CPEB1: variants seen among roughly 807,000 people sequenced by gnomAD.
The protein encoded by CPEB1 is cytoplasmic polyadenylation element-binding protein 1.
Under a neutral mutation model 65.8 loss-of-function variants are expected in CPEB1, and 7 were observed. The observed-to-expected ratio is 0.11, with a 90% CI of 0.06 to 0.20. The LOEUF (loss-of-function observed/expected upper bound fraction) is 0.20. Among genes scored for constraint, CPEB1 ranks in the 10% least tolerant of loss-of-function variants. The pLI, the probability that CPEB1 is intolerant of heterozygous loss-of-function variation, is 1.00. For missense variants in CPEB1, 551 were observed against 712.2 expected, an observed-to-expected ratio of 0.77 and a Z score of 2.58; for synonymous variants, 262 against 260.0, an observed-to-expected ratio of 1.01 and a Z score of -0.08.
chr15:82,557,523 G>C, intron 5 of CPEB1: 1 of 454,498 alleles, frequency 2.2e-6, no homozygotes, highest in Non-Finnish European at 3.9e-6. Context: ...CTAGTAAAAT[G>C]AGAGTCCTGA....
chr15:82,556,433 C>T (rs1405481469), intron 5 of CPEB1: 1 of 206,498 alleles, frequency 4.8e-6, no homozygotes, highest in African/African-American at 2.3e-5. Context: ...ATATACTTTC[C>T]AAGTTTTCAG....
chr15:82,642,395 T>A (rs1417696855), intron 1 of CPEB1, among the ~76,000 whole-genome samples: 2 of 152,102 alleles, frequency 1.3e-5, no homozygotes, highest in Non-Finnish European at 2.9e-5. Context: ...AAAAATTTTT[T>A]AAAAAGTAGC....
chr15:82,598,474 G>A (rs2042842685), intron 3 of CPEB1, among the ~76,000 whole-genome samples: 1 of 151,818 alleles, frequency 6.6e-6, no homozygotes, highest in Non-Finnish European at 1.5e-5. Flanking sequence ...GAGTGACAGA[G>A]CAAAACTCTG....
intron 4 of CPEB1, among the ~76,000 whole-genome samples, chr15:82,564,397 T>G (rs1434778484): frequency 6.6e-6 from 1 of 152,182 alleles, no homozygotes; most frequent in Non-Finnish European, 1.5e-5. Flanking sequence ...GCCATTCTCC[T>G]GCCTCAGCCT....
intron 3 of CPEB1, among the ~76,000 whole-genome samples, chr15:82,615,106 AAGT>A (rs1355545586): frequency 6.6e-6 from 1 of 152,096 alleles, no homozygotes; most frequent in Non-Finnish European, 1.5e-5. Flanking sequence ...AGGTCACAGC[AAGT>A]AAGTAGCACG....
chr15:82,565,999 TAA>T (rs2039061565), intron 4 of CPEB1, among the ~76,000 whole-genome samples: 1 of 152,190 alleles, frequency 6.6e-6, no homozygotes, highest in Non-Finnish European at 1.5e-5. Flanking sequence ...TCAGAGGGTA[TAA>T]GAGACCAAAT....
At chr15:82,579,919 A>G (rs1295665966) in intron 3 of CPEB1, among the ~76,000 whole-genome samples, 1 of 9,894 alleles carries the variant, frequency 1.0e-4, no homozygotes, top group East Asian at 9.2e-4. Flanking sequence ...ACTCCGTCTC[A>G]AAAAAAAAAA....
At chr15:82,588,144 C>T (rs28631181) in intron 3 of CPEB1, among the ~76,000 whole-genome samples, 1,732 of 151,334 alleles carry the variant, frequency 0.011, 28 homozygotes, top group African/African-American at 0.04. Context: ...AACAGGGTTT[C>T]GTCATATTGC....
intron 3 of CPEB1, among the ~76,000 whole-genome samples, chr15:82,618,337 T>G (rs1315753456): frequency 1.3e-5 from 2 of 152,314 alleles, no homozygotes; most frequent in African/African-American, 4.8e-5. Context: ...AAAACACACA[T>G]AAATACACAT....
At chr15:82,635,883 A>G (rs1193858074) in intron 1 of CPEB1, among the ~76,000 whole-genome samples, 2 of 152,240 alleles carry the variant, frequency 1.3e-5, no homozygotes, top group African/African-American at 2.4e-5. Context: ...GAACAAGCAC[A>G]GAGAGGATAC....
At chr15:82,608,213 T>C (rs2043807721) in intron 3 of CPEB1, among the ~76,000 whole-genome samples, 1 of 152,218 alleles carries the variant, frequency 6.6e-6, no homozygotes, top group Non-Finnish European at 1.5e-5. Context: ...GCCTGTTGAG[T>C]TCCTAAACTG....
intron 10 of CPEB1, chr15:82,548,687 G>T: frequency 2.2e-6 from 1 of 455,768 alleles, no homozygotes; most frequent in Non-Finnish European, 4.4e-6. Context: ...TATTAAGAGA[G>T]CTGGAAGAAG....
intron 3 of CPEB1, among the ~76,000 whole-genome samples, chr15:82,616,529 CTTT>C (rs763629005): frequency 4.0e-5 from 6 of 150,056 alleles, no homozygotes; most frequent in Non-Finnish European, 8.9e-5. Flanking sequence ...TTACATTCCT[CTTT>C]TTAAATTTTT....
At chr15:82,616,831 T>C (rs963044527) in intron 3 of CPEB1, among the ~76,000 whole-genome samples, 1 of 152,184 alleles carries the variant, frequency 6.6e-6, no homozygotes, top group African/African-American at 2.4e-5. Flanking sequence ...CAGAGATAAC[T>C]ATGTTTACAA....
intron 3 of CPEB1, among the ~76,000 whole-genome samples, chr15:82,574,747 A>AAAAAAAAAAAAAAAC (rs1460452497): frequency 7.2e-6 from 1 of 138,012 alleles, no homozygotes; most frequent in Non-Finnish European, 1.6e-5. Context: ...AAAAAAAAAA[A>AAAAAAAAAAAAAAAC]AAAATCATAA....
rs1291836785 is a variant in CPEB1, at chr15:82,544,653, A to G, written c.1706T>C (p.Met569Thr). Residue 569 changes from methionine (M) to threonine (T), a missense_variant, in exon 13 of 13, where the codon ATG becomes ACG. By Grantham distance (81) the Met-to-Thr change is moderately conservative (BLOSUM62 -1). Coordinates refer to ENST00000684509, the MANE Select transcript of CPEB1 (RefSeq NM_001365242.1). ...CRSCWHWRHS[M>T]EGLRHHSPLM... ...GGGGCTGTGGTGGCGCAGGCCCTCC[A>G]TGCTGTGCCGCCAGTGCCAGCAGCT... 3.4e-5 allele frequency: 55 copies of G among 1,613,320 alleles called. No homozygotes were observed. The highest frequency in any genetic ancestry group is 4.3e-5 in the Non-Finnish European group (51 of 1,179,854).
In CPEB1 at chr15:82,646,596, GC is replaced by G. The variant is rs587690444; in HGVS notation, c.-98+540del. Among the ~76,000 whole-genome samples, 521 of 152,288 alleles carry G rather than the reference GC, an allele frequency of 3.4e-3. 3 individuals are homozygous for G. The highest frequency in any genetic ancestry group is 0.012 in the African/African-American group (497 of 41,564). On this transcript the variant is annotated intron_variant, in intron 1 of 12. Coordinates refer to ENST00000684509, the MANE Select transcript of CPEB1 (RefSeq NM_001365242.1). ...GGGCCAGGGCTGCAGGGAGCAAAGT[GC>G]CCCCGAAAAATAAGCGCGCGCCCAC...
intron 4 of CPEB1, among the ~76,000 whole-genome samples, chr15:82,558,508 C>G (rs2037623860): frequency 6.6e-6 from 1 of 152,214 alleles, no homozygotes; most frequent in South Asian, 2.1e-4. Context: ...AAACTTCTAG[C>G]ATATACAGAT....
intron 7 of CPEB1, 41 bp from the exon 8 acceptor site, chr15:82,553,597 A>G: frequency 7.0e-7 from 1 of 1,423,764 alleles, no homozygotes; most frequent in Non-Finnish European, 9.9e-7. Flanking sequence ...CTGAGGAACC[A>G]TCTTTCCCAG....
Sources: allele counts gnomAD v4.1 joint callset (sites outside exome capture counted in the v4.1 genomes callset), GRCh38; gene constraint gnomAD v4.1.1; transcripts MANE v1.5; gene names NCBI Gene and HGNC (gene_info 2026-07-23, HGNC 2026-07-21).